The following ITK variants were observed in gnomAD, a reference collection of about 807,000 sequenced individuals.
ITK encodes tyrosine-protein kinase ITK/TSK.
In ITK, 45 loss-of-function variants were observed where a neutral mutation model predicts 87.6. The ratio of observed to expected loss-of-function variants is 0.51; its 90% CI spans 0.40 to 0.66. The LOEUF (loss-of-function observed/expected upper bound fraction) is 0.66, where lower values mean the gene tolerates loss of function less well. ITK is among the 30% of genes least tolerant of loss of function. The probability of loss-of-function intolerance (pLI) is 0.00; values close to 1 mark genes in which losing one functional copy is unlikely to be tolerated. For synonymous variants in ITK, 303 were observed against 273.6 expected, an observed-to-expected ratio of 1.11 and a Z score of -1.06; for missense variants, 605 against 766.3, an observed-to-expected ratio of 0.79 and a Z score of 2.48.
At chr5:157,206,326 A>G (rs1754079211) in intron 1 of ITK, among the ~76,000 whole-genome samples, 1 of 152,086 alleles carries the variant, frequency 6.6e-6, no homozygotes, top group Non-Finnish European at 1.5e-5. Flanking sequence ...TTCGATGTTC[A>G]TCAATATTGG....
chr5:157,230,449 G>A (rs908510621), intron 7 of ITK, among the ~76,000 whole-genome samples: 2 of 152,150 alleles, frequency 1.3e-5, no homozygotes, highest in Non-Finnish European at 2.9e-5. Context: ...ATGTGGTCGT[G>A]TTATTTGTTG....
rs1754135416 is a variant in ITK, at chr5:157,209,068, G to A, written c.243+75G>A. ...TCTTCAGTCACAGCCGGGTGCAGTG[G>A]TTCAAGCCTGTAATCCTAGCACTTT... On this transcript the variant is annotated intron_variant, in intron 2 of 16. Coordinates refer to ENST00000422843, the MANE Select transcript of ITK (RefSeq NM_005546.4). 6.1e-6 allele frequency: 6 copies of A among 980,512 alleles called. No individual in the cohort carries two copies. In the Admixed American group the frequency reaches 8.9e-5, roughly 15 times the overall value. The allele number at this position is 980,512 out of a possible 1,614,324, so 60.7% of individuals were successfully genotyped here.
At chr5:157,242,177 C>T (rs1370370254) in intron 11 of ITK, among the ~76,000 whole-genome samples, 1 of 152,120 alleles carries the variant, frequency 6.6e-6, no homozygotes, top group Non-Finnish European at 1.5e-5. Flanking sequence ...CTTTGGAATA[C>T]CTTTAGGCGT....
intron 8 of ITK, among the ~76,000 whole-genome samples, chr5:157,233,005 A>G (rs531083983): frequency 6.6e-6 from 1 of 152,366 alleles, no homozygotes; most frequent in East Asian, 1.9e-4. Context: ...AAAGCCATGC[A>G]GTGTGCATAG....
At chr5:157,184,195 T>C (rs1032278501) in intron 1 of ITK, among the ~76,000 whole-genome samples, 3 of 152,106 alleles carry the variant, frequency 2.0e-5, no homozygotes, top group African/African-American at 7.2e-5. Flanking sequence ...CAGAGGACAA[T>C]GAGAGATAAG....
chr5:157,224,848 A>C (rs901605242), intron 6 of ITK, among the ~76,000 whole-genome samples: 1 of 152,142 alleles, frequency 6.6e-6, no homozygotes, highest in Non-Finnish European at 1.5e-5. Context: ...GTATTTAAAT[A>C]ATCCTTTATG....
Position 157,214,223 on chromosome 5 carries a change from TATC to T in ITK, c.362_364del (p.His121del). 2 of 1,609,510 alleles carry T rather than the reference TATC, an allele frequency of 1.2e-6. No individual in the cohort carries two copies. On this transcript the variant is annotated inframe_deletion, in exon 4 of 17. Coordinates refer to ENST00000422843, the MANE Select transcript of ITK (RefSeq NM_005546.4). ...GAATAATAACAGTTTGGTGCCTAAA[TATC>T]ATCCTAATTTCTGGATGGATGGGAA... is the stretch of plus-strand genomic sequence containing the variant.
rs370387284 is a variant in ITK at position 157,217,848 on chromosome 5, C to T, written c.455-19C>T. The stretch of plus-strand genomic sequence containing the variant: ...AGTTTTCATGCTCATTTTTTCTTTT[C>T]CTGTTTTTCTCTTTTCAGCTTCAAA... On this transcript the variant is annotated intron_variant, in intron 4 of 16. Coordinates refer to ENST00000422843, the MANE Select transcript of ITK (RefSeq NM_005546.4). 1.2e-6 allele frequency: 2 copies of T among 1,612,668 alleles called. No homozygotes were observed. Among genetic ancestry groups the T allele is most frequent in the African/African-American group, 1.3e-5 (1 of 74,860 alleles).
intron 1 of ITK, among the ~76,000 whole-genome samples, chr5:157,190,228 C>T (rs1018826701): frequency 2.0e-5 from 3 of 152,114 alleles, no homozygotes; most frequent in Non-Finnish European, 4.4e-5. Context: ...TAAAAAGTCA[C>T]AGAAATTATA....
chr5:157,238,000 C>T, intron 8 of ITK, 109 bp from the exon 9 acceptor site: 1 of 779,676 alleles, frequency 1.3e-6, no homozygotes, highest in Non-Finnish European at 2.3e-6. Context: ...CTGCTCTATG[C>T]CAAGTGGGCC....
intron 9 of ITK, 23 bp from the exon 10 acceptor site, chr5:157,240,039 C>G (rs1754856370): frequency 6.2e-7 from 1 of 1,607,576 alleles, no homozygotes; most frequent in East Asian, 2.2e-5. Context: ...ATAATCATTA[C>G]ATTTGTGTTT....
At chr5:157,226,423 C>T (rs1404189171) in intron 6 of ITK, among the ~76,000 whole-genome samples, 1 of 152,052 alleles carries the variant, frequency 6.6e-6, no homozygotes, top group Non-Finnish European at 1.5e-5. Flanking sequence ...TATAGTATGG[C>T]AAAAGTAGAC....
intron 8 of ITK, among the ~76,000 whole-genome samples, chr5:157,233,549 C>T (rs1300922859): frequency 6.6e-6 from 1 of 152,182 alleles, no homozygotes; most frequent in Non-Finnish European, 1.5e-5. Flanking sequence ...CCAGGTCCCA[C>T]CCCAGATCCA....
At chr5:157,231,694 G>T (rs1367304540) in intron 7 of ITK, among the ~76,000 whole-genome samples, 2 of 151,718 alleles carry the variant, frequency 1.3e-5, no homozygotes, top group Non-Finnish European at 2.9e-5. Context: ...GCTAAATATT[G>T]TTAACAACAT....
intron 7 of ITK, among the ~76,000 whole-genome samples, chr5:157,231,540 T>C (rs145591160): frequency 5.9e-5 from 9 of 152,300 alleles, no homozygotes; most frequent in African/African-American, 1.7e-4. Context: ...TACTCTCAAG[T>C]AGCCAAACAA....
At chr5:157,191,120 TTTA>T (rs1371368905) in intron 1 of ITK, among the ~76,000 whole-genome samples, 12 of 104,338 alleles carry the variant, frequency 1.2e-4, no homozygotes, top group African/African-American at 4.5e-4. Flanking sequence ...CTTATGTTTT[TTTA>T]TTTATTTATT....
At chr5:157,198,242 A>G (rs1753890572) in intron 1 of ITK, among the ~76,000 whole-genome samples, 1 of 152,188 alleles carries the variant, frequency 6.6e-6, no homozygotes, top group African/African-American at 2.4e-5. Context: ...ATTTTAATAG[A>G]TGATCCTAAA....
At chr5:157,237,963 T>C in intron 8 of ITK, 146 bp from the exon 9 acceptor site, 1 of 689,650 alleles carries the variant, frequency 1.5e-6, no homozygotes, top group South Asian at 1.5e-5. Flanking sequence ...CAGGAGTAAA[T>C]GAAACGGTAG....
intron 5 of ITK, among the ~76,000 whole-genome samples, chr5:157,221,467 CA>C (rs1409484221): frequency 6.6e-5 from 10 of 151,970 alleles, no homozygotes; most frequent in Admixed American, 5.2e-4. Flanking sequence ...GAATGTTTAC[CA>C]GGATATTCGA....
Sources: allele counts gnomAD v4.1 joint callset (sites outside exome capture counted in the v4.1 genomes callset), GRCh38; gene constraint gnomAD v4.1.1; transcripts MANE v1.5; gene names NCBI Gene and HGNC (gene_info 2026-07-23, HGNC 2026-07-21).